The following AK7 variants were observed in gnomAD, a reference collection of about 807,000 sequenced individuals.
AK7 encodes the protein adenylate kinase 7, also known as ATP-AMP transphosphorylase 7.
In AK7, 78 loss-of-function variants were observed where a neutral mutation model predicts 96.6. The ratio of observed to expected loss-of-function variants is 0.81; its 90% CI spans 0.67 to 0.97. The LOEUF (loss-of-function observed/expected upper bound fraction) is 0.97, where lower values mean the gene tolerates loss of function less well. Among genes scored for constraint, AK7 ranks in the 50% least tolerant of loss-of-function variants. The pLI, the probability that AK7 is intolerant of heterozygous loss-of-function variation, is 0.00. For missense variants in AK7, 855 were observed against 887.9 expected (o/e 0.96, Z 0.47); for synonymous variants, 302 against 317.2 (o/e 0.95, Z 0.51).
At chr14:96,400,365 T>C (rs1890339201) in intron 2 of AK7, among the ~76,000 whole-genome samples, 3 of 152,180 alleles carry the variant, frequency 2.0e-5, no homozygotes, top group South Asian at 4.1e-4. Context: ...TATGACTTTG[T>C]ACTACTGATT....
At chr14:96,456,672 G>A (rs1893930271) in intron 11 of AK7, 197 bp downstream of exon 11, 2 of 504,476 alleles carry the variant, frequency 4.0e-6, no homozygotes, top group South Asian at 2.6e-5. Context: ...TGAGAAGAGT[G>A]TTGACCTTGG....
In AK7 at chr14:96,449,804, T is replaced by C. The variant is rs150962547; in HGVS notation, c.873T>C (p.Cys291=). ...SVHTLEDIVK[C]ISKNTGPGKI... ...ATATTTCGATTTTCCTCTAACAGTG[T>C]ATCAGTAAAAATACTGGCCCTGGGA... The change falls in exon 9 of 18, where the codon TGT becomes TGC. Residue 291 remains cysteine, a splice_region_variant and synonymous_variant. Transcript: ENST00000267584. The C allele has an allele frequency of 2.7e-5, 44 of 1,607,200 alleles. No homozygotes were observed. Among genetic ancestry groups the C allele is most frequent in the Non-Finnish European group, 3.7e-5 (43 of 1,175,634 alleles).
chr14:96,445,086 T>C (rs1418662913), intron 7 of AK7, among the ~76,000 whole-genome samples: 2 of 152,230 alleles, frequency 1.3e-5, no homozygotes, highest in African/African-American at 2.4e-5. Context: ...AAATGACCAA[T>C]GTGCTTTTTG....
At chr14:96,393,839 G>T (rs1450325761) in intron 1 of AK7, among the ~76,000 whole-genome samples, 1 of 152,132 alleles carries the variant, frequency 6.6e-6, no homozygotes, top group Admixed American at 6.5e-5. Context: ...AGAGATTTAG[G>T]GTGGGCGTGG....
chr14:96,408,410 T>A (rs1890847024), intron 3 of AK7, among the ~76,000 whole-genome samples: 1 of 152,190 alleles, frequency 6.6e-6, no homozygotes, highest in Non-Finnish European at 1.5e-5. Flanking sequence ...AGAATACCTA[T>A]CTCATAGTGG....
chr14:96,481,450 G>A (rs1409779958), intron 15 of AK7, among the ~76,000 whole-genome samples: 9 of 152,214 alleles, frequency 5.9e-5, no homozygotes, highest in Non-Finnish European at 8.8e-5. Context: ...GGGTTCAAGC[G>A]TTTCTCCTGC....
chr14:96,456,679 T>C, intron 11 of AK7: 2 of 452,922 alleles, frequency 4.4e-6, no homozygotes, highest in Non-Finnish European at 7.7e-6. Flanking sequence ...AGTGTTGACC[T>C]TGGCCACACT....
chr14:96,411,280 C>T (rs1172253387), intron 4 of AK7, among the ~76,000 whole-genome samples: 1 of 152,200 alleles, frequency 6.6e-6, no homozygotes, highest in Non-Finnish European at 1.5e-5. Context: ...AAGGCCAAGG[C>T]AGGCGGATCA....
chr14:96,482,435 G>A (rs924378593), intron 15 of AK7, among the ~76,000 whole-genome samples: 2 of 152,106 alleles, frequency 1.3e-5, no homozygotes, highest in South Asian at 2.1e-4. Flanking sequence ...CTCAGTGACC[G>A]TGGAGATCTC....
At chr14:96,423,133 A>G (rs1891808709) in intron 5 of AK7, among the ~76,000 whole-genome samples, 1 of 151,722 alleles carries the variant, frequency 6.6e-6, no homozygotes, top group Non-Finnish European at 1.5e-5. Context: ...CACTCTCCCT[A>G]CTCCTTTTTC....
chr14:96,458,698 C>T (rs893925193), intron 12 of AK7, among the ~76,000 whole-genome samples: 8 of 149,226 alleles, frequency 5.4e-5, no homozygotes, highest in Admixed American at 3.4e-4. Flanking sequence ...GCCAAGTTCA[C>T]GCCATTGCAC....
intron 12 of AK7, among the ~76,000 whole-genome samples, chr14:96,465,712 G>C (rs1353703959): frequency 6.6e-6 from 1 of 151,686 alleles, no homozygotes; most frequent in Admixed American, 6.6e-5. Flanking sequence ...TCAAGTAGGT[G>C]AGTAAAAGAA....
At chr14:96,456,613 T>C in intron 11 of AK7, 138 bp downstream of exon 11, 1 of 954,948 alleles carries the variant, frequency 1.0e-6, no homozygotes, top group East Asian at 2.8e-5. Flanking sequence ...ATCCAAGGTG[T>C]CCTAATCAGT....
chr14:96,452,775 G>A lies in AK7; in HGVS notation c.1098+1205G>A, dbSNP rs915780768. On this transcript the variant is annotated intron_variant, in intron 10 of 17. Transcript: ENST00000267584. ...CCAGGTTCAAGTGCCTCAGCCTCCT[G>A]AGTAGGTAGCAACTTTTTCAAGGTC... Among the ~76,000 whole-genome samples, 4 of 151,984 alleles carry A rather than the reference G, an allele frequency of 2.6e-5. 1 individual carries two copies. The highest frequency in any genetic ancestry group is 9.7e-5 in the African/African-American group (4 of 41,362).
intron 12 of AK7, among the ~76,000 whole-genome samples, chr14:96,459,876 CA>C (rs199569530): frequency 6.8e-6 from 1 of 147,588 alleles, no homozygotes; most frequent in Non-Finnish European, 1.5e-5. Flanking sequence ...GACTCCCTCT[CA>C]AAAAAAAAGA....
chr14:96,399,435 A>T lies in AK7; in HGVS notation c.294+1172A>T. On this transcript the variant is annotated intron_variant, in intron 2 of 17. Coordinates refer to ENST00000267584, the MANE Select transcript of AK7 (RefSeq NM_152327.5). The surrounding 1 kb of genome is among the most constrained non-coding windows in gnomAD (Gnocchi z 4.1). Reference sequence around the variant, plus strand: ...CTATACCTACACATATGCTCAAATCATTCCTGCTGTAAAAAACACTTAACT... The same window carrying T: ...CTATACCTACACATATGCTCAAATCTTTCCTGCTGTAAAAAACACTTAACT... The T allele has an allele frequency of 6.6e-6, 1 of 152,306 alleles. No individual in the cohort carries two copies. The highest frequency in any genetic ancestry group is 1.9e-4 in the East Asian group (1 of 5,184). The allele number at this position is 152,306 out of a possible 1,614,324, so 9.4% of individuals were successfully genotyped here. A position where few individuals can be genotyped will look rare whatever the true frequency, so the allele number is the denominator to read the frequency against.
chr14:96,452,157 T>G (rs1166711750), intron 10 of AK7, among the ~76,000 whole-genome samples: 1 of 152,196 alleles, frequency 6.6e-6, no homozygotes, highest in East Asian at 1.9e-4. Flanking sequence ...TATACATGTA[T>G]CCTGTACAAC....
In AK7 at chr14:96,437,893, G is replaced by T; in HGVS notation, c.668G>T (p.Gly223Val). Residue 223 changes from glycine to valine, a missense_variant, in exon 6 of 18, where the codon GGC (glycine) becomes GTC (valine). Transcript: ENST00000267584. ...AAGLQYGAEG[G>V]MLHTFFKMAW... is the part of the protein sequence containing the mutation. ...GGACTCCAGTATGGAGCGGAAGGAG[G>T]CATGTTACACACATTTTTTAAGGTA... 1 of 1,613,692 alleles carries T rather than the reference G, an allele frequency of 6.2e-7. No individual in the cohort carries two copies. Among genetic ancestry groups the T allele is most frequent in the Non-Finnish European group, 8.5e-7 (1 of 1,179,810 alleles).
intron 3 of AK7, among the ~76,000 whole-genome samples, chr14:96,407,955 C>CAA (rs906027377): frequency 5.3e-5 from 8 of 152,306 alleles, no homozygotes; most frequent in Admixed American, 3.3e-4. Context: ...CAAGGAGAAT[C>CAA]AATGCTTAAA....
Sources: allele counts gnomAD v4.1 joint callset (sites outside exome capture counted in the v4.1 genomes callset), GRCh38; gene constraint gnomAD v4.1.1; non-coding constraint Gnocchi (gnomAD v3.1); transcripts MANE v1.5; gene names NCBI Gene and HGNC (gene_info 2026-07-23, HGNC 2026-07-21).